GABRB1: variants seen among roughly 807,000 people sequenced by gnomAD.
GABRB1 encodes the protein gamma-aminobutyric acid type A receptor subunit beta1.
Under a neutral mutation model 51.6 loss-of-function variants are expected in GABRB1, and 17 were observed. The observed-to-expected ratio is 0.33, with a 90% CI of 0.23 to 0.49. The LOEUF is 0.49. GABRB1 is among the 20% of genes least tolerant of loss of function. GABRB1 has a pLI of 0.99. For missense variants in GABRB1, 410 were observed against 600.6 expected, an observed-to-expected ratio of 0.68 and a Z score of 3.32; for synonymous variants, 247 against 218.9, an observed-to-expected ratio of 1.13 and a Z score of -1.14.
intron 4 of GABRB1, among the ~76,000 whole-genome samples, chr4:47,290,855 G>T (rs1486675975): frequency 3.3e-5 from 5 of 152,090 alleles, no homozygotes. Context: ...TTGGGTTCTG[G>T]TAAAGGCATT....
chr4:47,351,656 G>A (rs1490047917), intron 5 of GABRB1, among the ~76,000 whole-genome samples: 6 of 146,642 alleles, frequency 4.1e-5, no homozygotes, highest in African/African-American at 1.5e-4. Flanking sequence ...GAGAACATGT[G>A]GTGTTTGGTT....
At chr4:47,278,674 G>A (rs746189116) in intron 4 of GABRB1, among the ~76,000 whole-genome samples, 6 of 152,070 alleles carry the variant, frequency 3.9e-5, no homozygotes, top group Admixed American at 6.6e-5. Flanking sequence ...CTGATCATAC[G>A]TTTCCATTTC....
chr4:47,285,911 G>A (rs1200319058), intron 4 of GABRB1, among the ~76,000 whole-genome samples: 1 of 152,194 alleles, frequency 6.6e-6, no homozygotes, highest in African/African-American at 2.4e-5. Context: ...TCAACTGCTA[G>A]GGAAAAGGGA....
intron 3 of GABRB1, among the ~76,000 whole-genome samples, chr4:47,056,466 G>A (rs764297815): frequency 5.3e-5 from 8 of 152,128 alleles, no homozygotes; most frequent in Middle Eastern, 3.2e-3. Context: ...AAATGAGATA[G>A]GGTGGTGGCT....
chr4:47,336,879 G>A (rs1725719838), intron 5 of GABRB1, among the ~76,000 whole-genome samples: 1 of 152,208 alleles, frequency 6.6e-6, no homozygotes, highest in South Asian at 2.1e-4. Flanking sequence ...TCATAACAAG[G>A]TCTAGAGATG....
intron 4 of GABRB1, among the ~76,000 whole-genome samples, chr4:47,295,946 C>T (rs958273496): frequency 6.6e-6 from 1 of 152,014 alleles, no homozygotes; most frequent in South Asian, 2.1e-4. Flanking sequence ...AGAGTGGGGG[C>T]CAATATTCAA....
At chr4:47,150,285 A>G (rs1221912183) in intron 3 of GABRB1, among the ~76,000 whole-genome samples, 1 of 148,016 alleles carries the variant, frequency 6.8e-6, no homozygotes, top group African/African-American at 2.5e-5. Context: ...GAAGTGAGCT[A>G]ACTGAGATAG....
chr4:46,997,180 C>T (rs1724024859), intron 1 of GABRB1, among the ~76,000 whole-genome samples: 1 of 151,988 alleles, frequency 6.6e-6, no homozygotes, highest in Non-Finnish European at 1.5e-5. Flanking sequence ...GACTTTTTAT[C>T]TTCACTCATT....
rs184653159 is a variant in GABRB1 at position 47,261,792 on chromosome 4, A to G, written c.462-58335A>G. Among the ~76,000 whole-genome samples the G allele has an allele frequency of 5.1e-3, 776 of 152,350 alleles. 9 individuals carry two copies. Among genetic ancestry groups the G allele is most frequent in the African/African-American group, 0.017 (715 of 41,574 alleles). On this transcript the variant is annotated intron_variant, in intron 4 of 8. Coordinates refer to ENST00000295454, the MANE Select transcript of GABRB1 (RefSeq NM_000812.4). ...GCATCACGCTACCTGACTTCAAACTATACTACAAGCCTACAGTAACCAAAA... is the reference window on the plus strand; with the variant it reads ...GCATCACGCTACCTGACTTCAAACTGTACTACAAGCCTACAGTAACCAAAA...
At chr4:47,261,178 T>C (rs1282589503) in intron 4 of GABRB1, among the ~76,000 whole-genome samples, 2 of 152,130 alleles carry the variant, frequency 1.3e-5, no homozygotes, top group Non-Finnish European at 1.5e-5. Flanking sequence ...CTATTCCACA[T>C]AGAGTTGGAA....
chr4:47,283,289 G>A (rs1723360046), intron 4 of GABRB1, among the ~76,000 whole-genome samples: 1 of 141,124 alleles, frequency 7.1e-6, no homozygotes, highest in Non-Finnish European at 1.5e-5. Context: ...AGCATTTGTA[G>A]ATGAGGGAAA....
chr4:47,222,748 C>T (rs1459823610), intron 4 of GABRB1, among the ~76,000 whole-genome samples: 1 of 152,098 alleles, frequency 6.6e-6, no homozygotes, highest in Non-Finnish European at 1.5e-5. Context: ...TTGTCTTAAG[C>T]CACTACACAT....
At chr4:47,260,289 G>A (rs1722378998) in intron 4 of GABRB1, among the ~76,000 whole-genome samples, 1 of 151,992 alleles carries the variant, frequency 6.6e-6, no homozygotes, top group South Asian at 2.1e-4. Flanking sequence ...CAATTTGCCA[G>A]TCTGTGTCTT....
chr4:47,342,272 C>T (rs958954384), intron 5 of GABRB1, among the ~76,000 whole-genome samples: 3 of 151,806 alleles, frequency 2.0e-5, no homozygotes, highest in Admixed American at 2.0e-4. Flanking sequence ...AAACAAAAGG[C>T]AAGAAATAAA....
chr4:47,379,679 T>C (rs1264617525), intron 5 of GABRB1, among the ~76,000 whole-genome samples: 2 of 152,160 alleles, frequency 1.3e-5, no homozygotes, highest in Admixed American at 6.5e-5. Flanking sequence ...TTCTTTTACA[T>C]CCAGGAAGGG....
chr4:47,042,875 C>T (rs1437889894), intron 3 of GABRB1, among the ~76,000 whole-genome samples: 2 of 151,884 alleles, frequency 1.3e-5, no homozygotes, highest in Non-Finnish European at 2.9e-5. Flanking sequence ...ACATATACCT[C>T]ATGTATACAT....
chr4:47,394,729 C>T (rs1249682173), intron 5 of GABRB1, among the ~76,000 whole-genome samples: 2 of 151,210 alleles, frequency 1.3e-5, no homozygotes, highest in Non-Finnish European at 1.5e-5. Flanking sequence ...TTTTTCATCA[C>T]ATTAAAAAAA....
intron 5 of GABRB1, among the ~76,000 whole-genome samples, chr4:47,388,151 A>G (rs141345236): frequency 1.3e-5 from 2 of 152,248 alleles, no homozygotes; most frequent in African/African-American, 4.8e-5. Context: ...TAAAATTAGT[A>G]TAACATGTTA....
At chr4:47,228,436 A>G (rs898668181) in intron 4 of GABRB1, among the ~76,000 whole-genome samples, 1 of 152,096 alleles carries the variant, frequency 6.6e-6, no homozygotes, top group Non-Finnish European at 1.5e-5. Context: ...AGAAAAAAAA[A>G]TGCTTACCAG....
Sources: gnomAD v4.1 joint callset for allele counts (sites outside exome capture counted in the v4.1 genomes callset) on GRCh38, gnomAD v4.1.1 for gene constraint, MANE v1.5 for transcripts, NCBI Gene and HGNC (gene_info 2026-07-23, HGNC 2026-07-21) for gene names.